The following PCDHA5 variants were observed in gnomAD, a reference collection of about 807,000 sequenced individuals.
PCDHA5 encodes protocadherin alpha-5.
PCDHA5 carries 43 observed loss-of-function variants against 61.6 expected under a neutral mutation model. That is an observed-to-expected ratio of 0.70 (90% CI 0.55 to 0.90). PCDHA5 has a LOEUF of 0.90. Among genes scored for constraint, PCDHA5 ranks in the 40% least tolerant of loss-of-function variants. The pLI, the probability that PCDHA5 is intolerant of heterozygous loss-of-function variation, is 0.00. For synonymous variants in PCDHA5, 627 were observed against 543.9 expected, an observed-to-expected ratio of 1.15 and a Z score of -2.13; for missense variants, 1,298 against 1,222.7, an observed-to-expected ratio of 1.06 and a Z score of -0.92.
intron 1 of PCDHA5, chr5:140,883,172 AT>A: frequency 1.2e-6 from 2 of 1,614,038 alleles, no homozygotes; most frequent in Non-Finnish European, 1.7e-6. Flanking sequence ...CAATGGAGAA[AT>A]TAGGACAAAA....
At chr5:140,856,335 G>A in intron 1 of PCDHA5, 1 of 1,598,610 alleles carries the variant, frequency 6.3e-7, no homozygotes, top group Non-Finnish European at 8.6e-7. Context: ...GAGCTGTGCG[G>A]GCGGAGCGTG....
At chr5:140,959,506 A>G (rs1554224114) in intron 1 of PCDHA5, among the ~76,000 whole-genome samples, 6 of 152,226 alleles carry the variant, frequency 3.9e-5, no homozygotes. Flanking sequence ...AAACTAAAAA[A>G]TTTTAAGATC....
chr5:140,977,630 C>T (rs2096769145), intron 1 of PCDHA5, among the ~76,000 whole-genome samples: 1 of 152,148 alleles, frequency 6.6e-6, no homozygotes, highest in African/African-American at 2.4e-5. Flanking sequence ...AGAGTTGTAA[C>T]TTTTTCTGGG....
chr5:140,923,219 CGTTTGAGCCCAGAA>C (rs6149268), intron 1 of PCDHA5, among the ~76,000 whole-genome samples: 47,935 of 151,966 alleles, frequency 0.32, 7,912 homozygotes, highest in East Asian at 0.52. Context: ...GTGAAAGGAT[CGTTTGAGCCCAGAA>C]GTTTGAGACC....
intron 1 of PCDHA5, among the ~76,000 whole-genome samples, chr5:140,933,012 A>G (rs1554209160): frequency 6.6e-6 from 1 of 152,008 alleles, no homozygotes; most frequent in Middle Eastern, 3.2e-3. Flanking sequence ...CGGAAATATT[A>G]ACACTTGGCA....
intron 1 of PCDHA5, chr5:140,967,765 C>A: frequency 6.2e-7 from 1 of 1,614,234 alleles, no homozygotes; most frequent in Non-Finnish European, 8.5e-7. Context: ...CCTACCAGAT[C>A]TATGTGCAGG....
At chr5:140,969,485 T>C (rs1485555970) in intron 1 of PCDHA5, 4 of 1,461,452 alleles carry the variant, frequency 2.7e-6, no homozygotes, top group African/African-American at 2.9e-5. Flanking sequence ...CATAATCTGC[T>C]ATTTCCTCTC....
intron 1 of PCDHA5, among the ~76,000 whole-genome samples, chr5:140,892,821 T>C (rs2063687425): frequency 6.6e-6 from 1 of 152,210 alleles, no homozygotes; most frequent in Non-Finnish European, 1.5e-5. Context: ...TATCCTACAG[T>C]GCTACAGTGC....
At chr5:140,838,881 C>A (rs2150293311) in intron 1 of PCDHA5, among the ~76,000 whole-genome samples, 1 of 151,836 alleles carries the variant, frequency 6.6e-6, no homozygotes, top group African/African-American at 2.4e-5. Flanking sequence ...TGCCACTGAA[C>A]TCCAGCCTAG....
intron 1 of PCDHA5, chr5:140,968,827 C>T (rs1398985109): frequency 1.2e-6 from 2 of 1,614,094 alleles, no homozygotes; most frequent in Non-Finnish European, 1.7e-6. Context: ...TTTCCAAAAT[C>T]CTCCCTGACA....
At chr5:140,913,896 C>T (rs1440194616) in intron 1 of PCDHA5, among the ~76,000 whole-genome samples, 5 of 152,018 alleles carry the variant, frequency 3.3e-5, no homozygotes, top group African/African-American at 7.2e-5. Context: ...TCCAAAATTC[C>T]CCTTTTTTAT....
chr5:140,868,771 A>G lies in PCDHA5; in HGVS notation c.2352+44644A>G, dbSNP rs986240016. 2.7e-4 allele frequency: 70 copies of G among 257,218 alleles called. No individual in the cohort carries two copies. In the Middle Eastern group the frequency reaches 5.2e-3, roughly 19 times the overall value. The allele number at this position is 257,218 out of a possible 1,614,324, so 15.9% of individuals were successfully genotyped here. ...ATTTCCATATATATTTAGTTTCAAT[A>G]TGACTTATAATCTGAATATTCCATA... is the stretch of plus-strand genomic sequence containing the variant. On this transcript the variant is annotated intron_variant, in intron 1 of 3. Coordinates refer to ENST00000529859, the MANE Select transcript of PCDHA5 (RefSeq NM_018908.3).
At chr5:140,905,669 A>G (rs781948009) in intron 1 of PCDHA5, among the ~76,000 whole-genome samples, 11 of 152,228 alleles carry the variant, frequency 7.2e-5, no homozygotes, top group Admixed American at 2.0e-4. Flanking sequence ...ATCCATTAAC[A>G]TGGAACATAT....
intron 1 of PCDHA5, among the ~76,000 whole-genome samples, chr5:140,844,278 G>A (rs1324463534): frequency 6.7e-6 from 1 of 149,048 alleles, no homozygotes; most frequent in Non-Finnish European, 1.5e-5. Context: ...CAGAATGATA[G>A]TGTTTTTCAA....
intron 1 of PCDHA5, chr5:140,843,908 G>T: frequency 1.6e-6 from 1 of 638,262 alleles, no homozygotes. Context: ...TCCACAAGTT[G>T]GGTCTATCTT....
intron 1 of PCDHA5, among the ~76,000 whole-genome samples, chr5:140,937,847 A>G (rs2091797551): frequency 6.8e-6 from 1 of 148,000 alleles, no homozygotes; most frequent in Non-Finnish European, 1.5e-5. Flanking sequence ...GGAAGGCGGA[A>G]CTTGGAGTGA....
chr5:140,901,213 G>A (rs2068513524), intron 1 of PCDHA5, among the ~76,000 whole-genome samples: 1 of 152,040 alleles, frequency 6.6e-6, no homozygotes, highest in Non-Finnish European at 1.5e-5. Flanking sequence ...TTTTTAAGTT[G>A]ATGTGATCCC....
At chr5:140,833,108 C>T (rs1340494019) in intron 1 of PCDHA5, among the ~76,000 whole-genome samples, 2 of 152,180 alleles carry the variant, frequency 1.3e-5, no homozygotes, top group African/African-American at 4.8e-5. Context: ...TTTTGACACT[C>T]TTCAAAGTCA....
At position 140,993,463 on chromosome 5, in the gene PCDHA5, CA is replaced by C. The variant is rs1563591979; in HGVS notation, c.2500+10901del. ...ATTCCTGTTCTCCTTCTTTCTTTCTCACACACACACACACACACACACACAC... is the reference window on the plus strand; with the variant it reads ...ATTCCTGTTCTCCTTCTTTCTTTCTCCACACACACACACACACACACACAC... On this transcript the variant is annotated intron_variant, in intron 3 of 3. Coordinates refer to ENST00000529859, the MANE Select transcript of PCDHA5 (RefSeq NM_018908.3). Among the ~76,000 whole-genome samples the C allele has an allele frequency of 9.6e-3, 73 of 7,582 alleles. 1 individual carries two copies. The highest frequency in any genetic ancestry group is 0.047 in the African/African-American group (71 of 1,514). 5.0% of individuals were successfully genotyped at this position (7,582 alleles called of 152,430 possible).
Sources: allele counts gnomAD v4.1 joint callset (sites outside exome capture counted in the v4.1 genomes callset), GRCh38; gene constraint gnomAD v4.1.1; transcripts MANE v1.5; gene names NCBI Gene and HGNC (gene_info 2026-07-23, HGNC 2026-07-21).